The following LACTB2 variants were observed in gnomAD, a reference collection of about 807,000 sequenced individuals.
LACTB2 encodes the protein endoribonuclease LACTB2.
Under a neutral mutation model 34.8 loss-of-function variants are expected in LACTB2, and 32 were observed. The ratio of observed to expected loss-of-function variants is 0.92; its 90% confidence interval spans 0.69 to 1.24. The LOEUF (loss-of-function observed/expected upper bound fraction) is 1.24. Among genes scored for constraint, LACTB2 ranks in the 50% most tolerant of loss-of-function variants. LACTB2 has a pLI of 0.00. For missense variants in LACTB2, 320 were observed against 345.0 expected (o/e 0.93, Z 0.57); for synonymous variants, 120 against 117.5 (o/e 1.02, Z -0.14).
At chr8:70,653,305 G>A (rs1818368747) in intron 3 of LACTB2, among the ~76,000 whole-genome samples, 1 of 152,044 alleles carries the variant, frequency 6.6e-6, no homozygotes, top group South Asian at 2.1e-4. Flanking sequence ...TAGAGATGGG[G>A]TTTCACCATG....
intron 3 of LACTB2, chr8:70,652,553 TAA>T (rs1818356062): frequency 6.6e-6 from 1 of 152,170 alleles, no homozygotes; most frequent in South Asian, 2.1e-4. Context: ...CAGAGTACAG[TAA>T]AACAAAAATT....
intron 1 of LACTB2, among the ~76,000 whole-genome samples, chr8:70,666,654 A>G (rs1032562447): frequency 1.3e-5 from 2 of 152,240 alleles, no homozygotes; most frequent in African/African-American, 4.8e-5. Flanking sequence ...GTCGTACAGA[A>G]GCCAATTAGG....
chr8:70,655,694 T>C (rs755064304), intron 3 of LACTB2, among the ~76,000 whole-genome samples: 1 of 152,226 alleles, frequency 6.6e-6, no homozygotes, highest in Non-Finnish European at 1.5e-5. Flanking sequence ...TAATGACTTC[T>C]TTTCCTCTGG....
intron 6 of LACTB2, among the ~76,000 whole-genome samples, chr8:70,638,255 G>GT (rs1296317322): frequency 1.3e-5 from 2 of 152,128 alleles, no homozygotes; most frequent in Non-Finnish European, 2.9e-5. Flanking sequence ...ATTCTTCGTG[G>GT]TTTTTGGGTC....
intron 4 of LACTB2, among the ~76,000 whole-genome samples, chr8:70,642,945 T>TA (rs547672670): frequency 5.3e-4 from 80 of 152,284 alleles, no homozygotes; most frequent in South Asian, 1.2e-3. Context: ...TTAAAAAAAC[T>TA]AAAGCTCAGA....
chr8:70,644,065 C>T lies in LACTB2; in HGVS notation c.592G>A (p.Gly198Arg), dbSNP rs1436239525. 6.5e-7 allele frequency: 1 copy of T among 1,545,224 alleles called. No individual in the cohort carries two copies. Among genetic ancestry groups the T allele is most frequent in the African/African-American group, 1.4e-5 (1 of 71,852 alleles). ...ATAAAAAAATTTAAAAATTACCCAC[C>T]TGGATATATAATATCAGCTTTGATT... ...LKIKADIIYP[G>R]HGPVIHNAEA... The change falls in exon 4 of 7, where the codon GGA (glycine) becomes AGA (arginine). Residue 198 changes from glycine to arginine, a missense_variant and splice_region_variant. By Grantham distance (125) the Gly-to-Arg change is moderately radical. Transcript: ENST00000276590.
At chr8:70,652,901 A>ACGATAAC (rs1554540462) in intron 3 of LACTB2, 3 of 151,706 alleles carry the variant, frequency 2.0e-5, no homozygotes, top group African/African-American at 4.8e-5. Flanking sequence ...CCATGATTCT[A>ACGATAAC]TGTGATAAAC....
chr8:70,666,330 C>G (rs1242649561), intron 1 of LACTB2, among the ~76,000 whole-genome samples: 1 of 152,150 alleles, frequency 6.6e-6, no homozygotes, highest in Non-Finnish European at 1.5e-5. Flanking sequence ...GTCCCTAATA[C>G]AGTCTGATGG....
chr8:70,661,090 T>C (rs779770660), intron 2 of LACTB2: 3 of 454,396 alleles, frequency 6.6e-6, no homozygotes, highest in Admixed American at 2.4e-5. Flanking sequence ...TGATCTATTA[T>C]TTATTTACCA....
chr8:70,638,822 C>T (rs921701789), intron 5 of LACTB2, among the ~76,000 whole-genome samples, 193 bp from the exon 6 acceptor site: 2 of 151,654 alleles, frequency 1.3e-5, no homozygotes, highest in Non-Finnish European at 2.9e-5. Flanking sequence ...TCACTGCAAC[C>T]TCCGCCTCCC....
Position 70,661,890 on chromosome 8 carries a change from G to A in LACTB2, c.130C>T (p.Leu44Phe). The change falls in exon 2 of 7, where the codon CTC (leucine) becomes TTC (phenylalanine). Residue 44 changes from leucine to phenylalanine, a missense_variant. By Grantham distance (22) the Leu-to-Phe change is conservative (BLOSUM62 0). Coordinates refer to ENST00000276590, the MANE Select transcript of LACTB2 (RefSeq NM_016027.3). ...YLVGTGPRRI[L>F]IDTGEPAIPE... The stretch of plus-strand genomic sequence containing the variant: ...ATTGCTGGTTCTCCAGTGTCAATGA[G>A]GATTCTCCTGAAAATTAAATGGAAG... The A allele has an allele frequency of 6.3e-7, 1 of 1,598,862 alleles. No homozygotes were observed. The highest frequency in any genetic ancestry group is 1.3e-5 in the African/African-American group (1 of 74,382).
chr8:70,640,274 T>C (rs1188905644), intron 5 of LACTB2, among the ~76,000 whole-genome samples: 1 of 152,166 alleles, frequency 6.6e-6, no homozygotes, highest in Non-Finnish European at 1.5e-5. Context: ...AAAGCTTACA[T>C]TTTTAACCTC....
chr8:70,641,088 T>C (rs377677929), intron 4 of LACTB2, 38 bp from the exon 5 acceptor site: 6 of 1,525,908 alleles, frequency 3.9e-6, no homozygotes, highest in Non-Finnish European at 5.3e-6. Flanking sequence ...TTCAGTCAGA[T>C]AAAAAAATAC....
chr8:70,637,714 T>C lies in LACTB2; in HGVS notation c.*146A>G. 1 of 442,314 alleles carries C rather than the reference T, an allele frequency of 2.3e-6. No homozygotes were observed. Among genetic ancestry groups the C allele is most frequent in the East Asian group, 3.5e-5 (1 of 28,346 alleles). The allele number at this position is 442,314 out of a possible 1,614,324, so 27.4% of individuals were successfully genotyped here. The stretch of plus-strand genomic sequence containing the variant: ...GTTGTATAGTGTAATTTACATATTT[T>C]AGCATAAATATAACATTATTTTAAA... On this transcript the variant is annotated 3_prime_UTR_variant, in exon 7 of 7. Transcript: ENST00000276590.
rs540053809 is a variant in LACTB2, at chr8:70,645,708, C to T, written c.414-1465G>A. 6.8e-5 allele frequency among the ~76,000 whole-genome samples: 10 copies of T among 146,664 alleles called. No homozygotes were observed. The East Asian group carries it at 1.2e-3, about 18-fold the overall frequency. On this transcript the variant is annotated intron_variant, in intron 3 of 6. Transcript: ENST00000276590. ...CCCTTCCTGTGTCCATGTGTTCTCA[C>T]TGTTCAATTCCCACCTATGAGTGAG...
At chr8:70,663,807 C>A (rs1325602872) in intron 1 of LACTB2, among the ~76,000 whole-genome samples, 1 of 152,038 alleles carries the variant, frequency 6.6e-6, no homozygotes, top group Non-Finnish European at 1.5e-5. Flanking sequence ...GCAATTATTA[C>A]CATGTAATAT....
intron 3 of LACTB2, chr8:70,646,857 T>C (rs367731971): frequency 2.6e-5 from 4 of 152,248 alleles, no homozygotes; most frequent in African/African-American, 9.6e-5. Context: ...TTATGTGTTA[T>C]TCTGTAGGCT....
In LACTB2 at chr8:70,661,810, G is replaced by A; in HGVS notation, c.210C>T (p.Ile70=). The A allele has an allele frequency of 6.2e-7, 1 of 1,613,284 alleles. No homozygotes were observed. Among genetic ancestry groups the A allele is most frequent in the African/African-American group, 1.3e-5 (1 of 74,914 alleles). ...GCCAGTGAGTCACTACAATTTCCTG[G>A]ATTGCTGTGTTAAATTCAGTTAGAG... The part of the protein sequence containing the change: ...KQALTEFNTA[I]QEIVVTHWHR... Residue 70 remains isoleucine (I), a synonymous_variant, in exon 2 of 7, where the codon ATC becomes ATT. Coordinates refer to ENST00000276590, the MANE Select transcript of LACTB2 (RefSeq NM_016027.3).
chr8:70,643,304 C>G (rs1818223471), intron 4 of LACTB2, among the ~76,000 whole-genome samples: 1 of 149,138 alleles, frequency 6.7e-6, no homozygotes, highest in Non-Finnish European at 1.5e-5. Flanking sequence ...CTCACTACAA[C>G]CTCCACCTCT....
Sources: allele counts gnomAD v4.1 joint callset (sites outside exome capture counted in the v4.1 genomes callset), GRCh38; gene constraint gnomAD v4.1.1; transcripts MANE v1.5; gene names NCBI Gene and HGNC (gene_info 2026-07-23, HGNC 2026-07-21).